DLG2: variants seen among roughly 807,000 people sequenced by gnomAD.
The protein encoded by DLG2 is disks large homolog 2.
Under a neutral mutation model 132.5 loss-of-function variants are expected in DLG2, and 45 were observed. That is an observed-to-expected ratio of 0.34 (90% CI 0.27 to 0.44). DLG2 has a LOEUF of 0.44. DLG2 is among the 20% of genes least tolerant of loss of function. DLG2 has a pLI of 1.00. For synonymous variants in DLG2, 424 were observed against 419.6 expected (o/e 1.01, Z -0.13); for missense variants, 1,045 against 1,196.9 (o/e 0.87, Z 1.87).
chr11:85,464,301 C>T (rs2092711949), intron 3 of DLG2, among the ~76,000 whole-genome samples: 2 of 152,142 alleles, frequency 1.3e-5, no homozygotes, highest in African/African-American at 4.8e-5. Flanking sequence ...GAGAGTTTAA[C>T]TGCTGTGAGA....
chr11:85,466,123 A>C (rs1049398935), intron 3 of DLG2, among the ~76,000 whole-genome samples: 13 of 152,104 alleles, frequency 8.5e-5, no homozygotes, highest in African/African-American at 2.4e-4. Context: ...AGTGTCTGTT[A>C]ATATCCTTTG....
intron 3 of DLG2, chr11:85,525,093 T>G (rs562812552): frequency 2.0e-5 from 3 of 152,214 alleles, no homozygotes; most frequent in African/African-American, 7.2e-5. Flanking sequence ...TTAGTACCCT[T>G]AACATCCATT....
At chr11:84,471,771 C>T (rs895942387) in intron 7 of DLG2, among the ~76,000 whole-genome samples, 1 of 151,728 alleles carries the variant, frequency 6.6e-6, no homozygotes, top group Non-Finnish European at 1.5e-5. Context: ...TCTTTCTATC[C>T]TTACCCCCTA....
At chr11:84,883,022 C>A (rs1449509120) in intron 6 of DLG2, among the ~76,000 whole-genome samples, 1 of 152,066 alleles carries the variant, frequency 6.6e-6, no homozygotes, top group Non-Finnish European at 1.5e-5. Context: ...ATGTTTACTG[C>A]AGCACTATTC....
intron 8 of DLG2, among the ~76,000 whole-genome samples, chr11:84,244,002 G>T (rs904760792): frequency 2.6e-5 from 4 of 152,106 alleles, no homozygotes; most frequent in Non-Finnish European, 5.9e-5. Context: ...CTCAAGAAAA[G>T]AACTAACTGG....
intron 15 of DLG2, among the ~76,000 whole-genome samples, chr11:83,878,478 G>A (rs752978698): frequency 3.3e-5 from 5 of 152,118 alleles, no homozygotes; most frequent in Non-Finnish European, 7.4e-5. Flanking sequence ...TCTGTGACTG[G>A]TCTATATAGA....
At chr11:85,483,162 G>C (rs1203349016) in intron 3 of DLG2, among the ~76,000 whole-genome samples, 1 of 152,152 alleles carries the variant, frequency 6.6e-6, no homozygotes, top group African/African-American at 2.4e-5. Context: ...AGGACAAAGA[G>C]AGGATCCTAT....
chr11:83,583,811 T>C (rs2097027727), intron 19 of DLG2, among the ~76,000 whole-genome samples: 1 of 152,196 alleles, frequency 6.6e-6, no homozygotes, highest in African/African-American at 2.4e-5. Context: ...GAACACTTTA[T>C]ATACTGAAAG....
intron 6 of DLG2, among the ~76,000 whole-genome samples, chr11:84,855,170 T>A (rs2082623125): frequency 6.6e-6 from 1 of 152,024 alleles, no homozygotes; most frequent in Admixed American, 6.6e-5. Flanking sequence ...CCATGTTAAC[T>A]GCTACTGGCA....
intron 3 of DLG2, among the ~76,000 whole-genome samples, chr11:85,558,750 T>A (rs1167057163): frequency 2.0e-5 from 3 of 151,748 alleles, no homozygotes; most frequent in African/African-American, 7.2e-5. Flanking sequence ...TGGATACTCA[T>A]GGGCATAAAG....
intron 6 of DLG2, among the ~76,000 whole-genome samples, chr11:84,912,988 C>T (rs1054610315): frequency 7.2e-5 from 11 of 152,140 alleles, no homozygotes; most frequent in African/African-American, 2.4e-4. Context: ...CAATGTTTCC[C>T]GGGGCAACAC....
intron 3 of DLG2, among the ~76,000 whole-genome samples, chr11:85,385,127 T>A (rs923339270): frequency 2.6e-5 from 4 of 152,234 alleles, no homozygotes; most frequent in Non-Finnish European, 4.4e-5. Flanking sequence ...CTCTTTAGCC[T>A]TCTGGCTCAA....
intron 11 of DLG2, among the ~76,000 whole-genome samples, chr11:83,992,767 G>A (rs956409271): frequency 6.6e-6 from 1 of 152,054 alleles, no homozygotes; most frequent in Non-Finnish European, 1.5e-5. Flanking sequence ...AGGAGGAAAG[G>A]ACAGTGGAGA....
At position 83,686,276 on chromosome 11, in the gene DLG2, A is replaced by G. The variant is rs78359776; in HGVS notation, c.1826-52951T>C. On this transcript the variant is annotated intron_variant, in intron 18 of 27. Coordinates refer to ENST00000376104, the MANE Select transcript of DLG2 (RefSeq NM_001142699.3). ...TCTGCTCAAGTGTCTCCTTGGAAGA[A>G]GAGATTTCTCTGACATCCTGTATAG... is the stretch of plus-strand genomic sequence containing the variant. 7.3e-3 allele frequency among the ~76,000 whole-genome samples: 1,118 copies of G among 152,258 alleles called. 8 individuals carry two copies. Among genetic ancestry groups the G allele is most frequent in the African/African-American group, 0.022 (924 of 41,544 alleles).
chr11:84,885,530 T>C (rs1486141690), intron 6 of DLG2, among the ~76,000 whole-genome samples: 1 of 152,072 alleles, frequency 6.6e-6, no homozygotes. Context: ...TTTTATAGTA[T>C]GGAAATCAGA....
At chr11:83,515,998 T>C (rs981486287) in intron 21 of DLG2, among the ~76,000 whole-genome samples, 7 of 152,192 alleles carry the variant, frequency 4.6e-5, no homozygotes, top group Non-Finnish European at 7.3e-5. Flanking sequence ...GAATGTATAT[T>C]CTGTTGATTT....
chr11:84,239,194 T>G (rs1414557008), intron 8 of DLG2, among the ~76,000 whole-genome samples: 1 of 152,154 alleles, frequency 6.6e-6, no homozygotes, highest in Non-Finnish European at 1.5e-5. Context: ...TTTATTATTA[T>G]TATTATTTGA....
In DLG2 at chr11:84,388,573, T is replaced by C. The variant is rs371891666; in HGVS notation, c.520-137282A>G. Reference sequence around the variant, plus strand: ...TATTCAAATTTCACAAATTTAAACATTTTAGATTACAATTATTTCAGTACC... The same window carrying C: ...TATTCAAATTTCACAAATTTAAACACTTTAGATTACAATTATTTCAGTACC... On this transcript the variant is annotated intron_variant, in intron 7 of 27. Transcript: ENST00000376104. Among the ~76,000 whole-genome samples, 25 of 152,158 alleles carry C rather than the reference T, an allele frequency of 1.6e-4. No individual in the cohort carries two copies. In the East Asian group the frequency reaches 4.3e-3, roughly 26 times the overall value.
At chr11:84,712,893 ACTAGAAGAC>A (rs1230753332) in intron 6 of DLG2, among the ~76,000 whole-genome samples, 2 of 152,116 alleles carry the variant, frequency 1.3e-5, no homozygotes, top group Admixed American at 6.5e-5. Flanking sequence ...TGAGTTCGAA[ACTAGAAGAC>A]CTAGTTGTAG....
Sources: allele counts gnomAD v4.1 joint callset (sites outside exome capture counted in the v4.1 genomes callset), GRCh38; gene constraint gnomAD v4.1.1; transcripts MANE v1.5; gene names NCBI Gene and HGNC (gene_info 2026-07-23, HGNC 2026-07-21).